Variants in COL23A1 observed in about 807,000 individuals in gnomAD.
COL23A1 encodes collagen alpha-1(XXIII) chain.
A neutral mutation model predicts 99.3 loss-of-function variants in COL23A1; 97 were observed. The observed-to-expected ratio is 0.98, with a 90% CI of 0.83 to 1.16. The LOEUF is 1.16. Ranked by LOEUF, COL23A1 falls within the 50% of genes most tolerant of loss-of-function variation. The probability of loss-of-function intolerance (pLI) is 0.00; values close to 1 mark genes in which losing one functional copy is unlikely to be tolerated. For synonymous variants in COL23A1, 320 were observed against 308.2 expected (o/e 1.04, Z -0.40); for missense variants, 762 against 757.4 (o/e 1.01, Z -0.07).
rs146205834 is a variant in COL23A1 at position 178,550,330 on chromosome 5, G to C, written c.361+10352C>G. Among the ~76,000 whole-genome samples the C allele has an allele frequency of 3.1e-4, 47 of 152,270 alleles. No individual in the cohort carries two copies. The East Asian group carries it at 8.5e-3, about 27-fold the overall frequency. On this transcript the variant is annotated intron_variant, in intron 2 of 28. Transcript: ENST00000390654. ...CTGGGCACTACTAACATTTGGGACCGGATAGTTCTTTGTGGTGGTGGCTGT... is the reference window on the plus strand; with the variant it reads ...CTGGGCACTACTAACATTTGGGACCCGATAGTTCTTTGTGGTGGTGGCTGT...
intron 2 of COL23A1, among the ~76,000 whole-genome samples, chr5:178,354,588 T>C (rs974666254): frequency 1.3e-5 from 2 of 152,082 alleles, no homozygotes; most frequent in Non-Finnish European, 2.9e-5. Flanking sequence ...GATCTGGCTG[T>C]TTAAAAATGT....
chr5:178,572,031 G>A (rs1309282868), intron 1 of COL23A1, among the ~76,000 whole-genome samples: 1 of 149,428 alleles, frequency 6.7e-6, no homozygotes, highest in Non-Finnish European at 1.5e-5. Context: ...TTGCGCCACT[G>A]CACTCCAGCC....
rs1462253322 is a variant in COL23A1, at chr5:178,590,044, G to A, written c.154C>T (p.Leu52=). Residue 52 remains leucine, a synonymous_variant, in exon 1 of 29, where the codon CTG becomes TTG. Transcript: ENST00000390654. The surrounding 1 kb of genome is among the most constrained non-coding windows in gnomAD (Gnocchi z 5.7). The part of the protein sequence containing the change: ...LLSVGSAAAC[L]LLGVQAAALQ... ...GCGGCCGCCTGGACACCCAGCAGCA[G>A]GCAGGCAGCCGCCGAGCCCACGGAG... is the stretch of plus-strand genomic sequence containing the variant. 6.7e-6 allele frequency: 9 copies of A among 1,351,158 alleles called. No individual in the cohort carries two copies. Among genetic ancestry groups the A allele is most frequent in the Admixed American group, 5.8e-5 (2 of 34,776 alleles). The allele number at this position is 1,351,158 out of a possible 1,614,324, so 83.7% of individuals were successfully genotyped here.
At chr5:178,563,703 T>TA (rs1762716823) in intron 1 of COL23A1, among the ~76,000 whole-genome samples, 1 of 151,840 alleles carries the variant, frequency 6.6e-6, no homozygotes, top group South Asian at 2.1e-4. Flanking sequence ...AGCTAATTTT[T>TA]AAATTTTTTG....
intron 2 of COL23A1, among the ~76,000 whole-genome samples, chr5:178,357,935 T>TA (rs1491588418): frequency 2.0e-5 from 3 of 148,922 alleles, no homozygotes; most frequent in Admixed American, 6.7e-5. Context: ...TGTGTATGTG[T>TA]ATGTATGTGT....
intron 2 of COL23A1, among the ~76,000 whole-genome samples, chr5:178,402,303 C>T (rs1764493874): frequency 1.3e-5 from 2 of 151,836 alleles, no homozygotes; most frequent in African/African-American, 4.8e-5. Flanking sequence ...CCAGCCTGGA[C>T]AATGTGGTGA....
intron 2 of COL23A1, among the ~76,000 whole-genome samples, chr5:178,529,042 C>T (rs1038244638): frequency 1.2e-4 from 18 of 152,246 alleles, no homozygotes; most frequent in African/African-American, 3.9e-4. Flanking sequence ...CAGGGCTGGG[C>T]GGTTCTGCTC....
intron 5 of COL23A1, among the ~76,000 whole-genome samples, chr5:178,274,961 G>A (rs937283942): frequency 6.6e-6 from 1 of 152,250 alleles, no homozygotes; most frequent in African/African-American, 2.4e-5. Flanking sequence ...CTTTCCCCAT[G>A]GAGATCAGCC....
At chr5:178,471,494 C>G (rs1756748527) in intron 2 of COL23A1, among the ~76,000 whole-genome samples, 1 of 150,708 alleles carries the variant, frequency 6.6e-6, no homozygotes, top group Admixed American at 6.6e-5. Context: ...CCGCCTCGGC[C>G]TCCCAAAGTG....
At position 178,439,430 on chromosome 5, in the gene COL23A1, C is replaced by T. The variant is rs1001048845; in HGVS notation, c.361+121252G>A. On this transcript the variant is annotated intron_variant, in intron 2 of 28. Coordinates refer to ENST00000390654, the MANE Select transcript of COL23A1 (RefSeq NM_173465.4). This position sits in a 1 kb window ranked among gnomAD's most constrained non-coding sequence, Gnocchi z 4.2. ...CTCCAGCTCCTTGTCTCTGGTCCAC[C>T]CAGAGCCGGAGCTTTAGCCTAGGAC... 1 of 152,230 alleles carries T rather than the reference C, an allele frequency of 6.6e-6. No homozygotes were observed. The highest frequency in any genetic ancestry group is 2.4e-5 in the African/African-American group (1 of 41,432). The allele number at this position is 152,230 out of a possible 1,614,324, so 9.4% of individuals were successfully genotyped here.
chr5:178,530,389 A>G (rs1299876896), intron 2 of COL23A1, among the ~76,000 whole-genome samples: 1 of 152,116 alleles, frequency 6.6e-6, no homozygotes, highest in Non-Finnish European at 1.5e-5. Flanking sequence ...TTGACCCTGG[A>G]AAGTGGAGAC....
intron 2 of COL23A1, among the ~76,000 whole-genome samples, chr5:178,495,263 G>A (rs1758138620): frequency 6.6e-6 from 1 of 152,234 alleles, no homozygotes; most frequent in African/African-American, 2.4e-5. Flanking sequence ...AGCCTGAGAT[G>A]GGACTAGTGA....
intron 2 of COL23A1, among the ~76,000 whole-genome samples, chr5:178,455,392 A>C (rs1767723827): frequency 6.6e-6 from 1 of 152,204 alleles, no homozygotes; most frequent in Non-Finnish European, 1.5e-5. Context: ...GCATCGGCTG[A>C]CACAGCAGGG....
At chr5:178,298,042 T>C (rs1757839426) in intron 3 of COL23A1, among the ~76,000 whole-genome samples, 1 of 152,182 alleles carries the variant, frequency 6.6e-6, no homozygotes, top group Non-Finnish European at 1.5e-5. Flanking sequence ...CATATGGTGG[T>C]GTCCCGAGGT....
chr5:178,261,852 G>A, intron 10 of COL23A1, 104 bp from the exon 11 acceptor site: 2 of 1,010,104 alleles, frequency 2.0e-6, no homozygotes, highest in Non-Finnish European at 3.1e-6. Flanking sequence ...CAATCCCAGA[G>A]AGCAGGAGGC....
chr5:178,450,527 G>T (rs932455384), intron 2 of COL23A1, among the ~76,000 whole-genome samples: 1 of 152,234 alleles, frequency 6.6e-6, no homozygotes, highest in South Asian at 2.1e-4. Context: ...TAAGCTGGGT[G>T]TCCACAGCCT....
intron 2 of COL23A1, among the ~76,000 whole-genome samples, chr5:178,386,817 G>A (rs113150387): frequency 3.7e-4 from 57 of 152,286 alleles, no homozygotes; most frequent in African/African-American, 1.3e-3. Context: ...AGAACAGGAC[G>A]CACACTCCTA....
In COL23A1 at chr5:178,261,256, T is replaced by G. The variant is rs185372530; in HGVS notation, c.702+466A>C. 7.7e-4 allele frequency among the ~76,000 whole-genome samples: 117 copies of G among 151,858 alleles called. 1 individual carries two copies. The highest frequency in any genetic ancestry group is 2.8e-3 in the African/African-American group (114 of 41,406). ...GGTGAAACCCCATTTCTCCTAAAAA[T>G]ACAAAAAATTAGCTGGGCATGGTGG... On this transcript the variant is annotated intron_variant, in intron 11 of 28. Transcript: ENST00000390654.
rs113281758 is a variant in COL23A1, at chr5:178,280,522, G to A, written c.441+7802C>T. ...ATCGTGCCAGCCCTGGGTCCTGGTC[G>A]GGGGCAGCTTCATACCAAAATCACT... On this transcript the variant is annotated intron_variant, in intron 5 of 28. Coordinates refer to ENST00000390654, the MANE Select transcript of COL23A1 (RefSeq NM_173465.4). The surrounding 1 kb of genome is among the most constrained non-coding windows in gnomAD (Gnocchi z 4.9). Among the ~76,000 whole-genome samples the A allele has an allele frequency of 0.015, 2,219 of 152,206 alleles. 40 individuals carry two copies. The highest frequency in any genetic ancestry group is 0.05 in the African/African-American group (2,081 of 41,506).
Sources: allele counts gnomAD v4.1 joint callset (sites outside exome capture counted in the v4.1 genomes callset), GRCh38; gene constraint gnomAD v4.1.1; non-coding constraint Gnocchi (gnomAD v3.1); transcripts MANE v1.5; gene names NCBI Gene and HGNC (gene_info 2026-07-23, HGNC 2026-07-21).